Variants in COP1 observed in about 807,000 individuals in gnomAD.
COP1 encodes the protein COP1 E3 ubiquitin ligase, also known as E3 ubiquitin-protein ligase COP1.
Under a neutral mutation model 101.3 loss-of-function variants are expected in COP1, and 24 were observed. The observed-to-expected ratio is 0.24, with a 90% confidence interval of 0.17 to 0.33. The LOEUF (loss-of-function observed/expected upper bound fraction) is 0.33. Ranked by LOEUF, COP1 falls within the 10% of genes least tolerant of loss-of-function variation. The pLI is 1.00. For synonymous variants in COP1, 347 were observed against 341.9 expected, an observed-to-expected ratio of 1.01 and a Z score of -0.17; for missense variants, 663 against 906.2, an observed-to-expected ratio of 0.73 and a Z score of 3.45.
Position 175,949,524 on chromosome 1 carries a change from T to G in COP1, c.2134-2285A>C, listed in dbSNP as rs928537974. ...CTTTCTAGCAGGAATTTTAAACAAG[T>G]TGTATGGTATCAGAACTGCCACTGG... On this transcript the variant is annotated intron_variant, in intron 18 of 19. Transcript: ENST00000367669. Among the ~76,000 whole-genome samples the G allele has an allele frequency of 7.2e-5, 11 of 152,258 alleles. No individual in the cohort carries two copies. In the South Asian group the frequency reaches 1.9e-3, roughly 26 times the overall value.
At position 176,045,772 on chromosome 1, in the gene COP1, TA is replaced by T. The variant is rs554115691; in HGVS notation, c.1421+408del. 1.9e-3 allele frequency among the ~76,000 whole-genome samples: 294 copies of T among 151,840 alleles called. 1 individual carries two copies. The highest frequency in any genetic ancestry group is 6.7e-3 in the African/African-American group (277 of 41,474). On this transcript the variant is annotated intron_variant, in intron 12 of 19. Coordinates refer to ENST00000367669, the MANE Select transcript of COP1 (RefSeq NM_022457.7). ...TTCAGTGAAAAGCAGAATATTCTTG[TA>T]AAAAAAATTCTTAAAACTAGAAACA...
chr1:176,149,536 T>C (rs1177293857), intron 5 of COP1, among the ~76,000 whole-genome samples: 1 of 152,128 alleles, frequency 6.6e-6, no homozygotes, highest in East Asian at 1.9e-4. Context: ...CTATTTCTAG[T>C]TATTACCTAC....
intron 15 of COP1, among the ~76,000 whole-genome samples, chr1:175,992,750 G>A (rs917223169): frequency 1.3e-5 from 2 of 152,246 alleles, no homozygotes; most frequent in African/African-American, 4.8e-5. Flanking sequence ...TGGGAAGCTC[G>A]AACTGGATGG....
At chr1:175,995,313 C>T (rs1459940698) in intron 15 of COP1, among the ~76,000 whole-genome samples, 5 of 152,120 alleles carry the variant, frequency 3.3e-5, no homozygotes, top group Admixed American at 6.5e-5. Context: ...AAAATTGACA[C>T]CCTAACATCA....
chr1:175,959,685 T>C (rs1237546683), intron 18 of COP1, among the ~76,000 whole-genome samples: 1 of 152,114 alleles, frequency 6.6e-6, no homozygotes, highest in Non-Finnish European at 1.5e-5. Flanking sequence ...TAGAAAAATA[T>C]GTTTATTGGT....
intron 10 of COP1, among the ~76,000 whole-genome samples, chr1:176,085,297 T>A (rs1187171671): frequency 6.6e-6 from 1 of 152,118 alleles, no homozygotes; most frequent in Non-Finnish European, 1.5e-5. Context: ...TGGATATTAT[T>A]ATCTATTCTC....
At chr1:176,169,555 A>G (rs1038312908) in intron 3 of COP1, among the ~76,000 whole-genome samples, 2 of 152,226 alleles carry the variant, frequency 1.3e-5, no homozygotes, top group East Asian at 1.9e-4. Flanking sequence ...TGTTTACGCT[A>G]TACCGTAGTT....
At position 176,145,947 on chromosome 1, in the gene COP1, G is replaced by A. The variant is rs548588319; in HGVS notation, c.831+3059C>T. ...AGCAGTATTGCATTGTGCTTACAAT[G>A]GTGGTTATACAAATGGTCACTCTAC... On this transcript the variant is annotated intron_variant, in intron 6 of 19. Coordinates refer to ENST00000367669, the MANE Select transcript of COP1 (RefSeq NM_022457.7). Among the ~76,000 whole-genome samples, 6 of 152,224 alleles carry A rather than the reference G, an allele frequency of 3.9e-5. No individual in the cohort carries two copies. The East Asian group carries it at 9.7e-4, about 24-fold the overall frequency.
At chr1:176,195,308 G>A (rs1452540934) in intron 1 of COP1, among the ~76,000 whole-genome samples, 2 of 152,222 alleles carry the variant, frequency 1.3e-5, no homozygotes, top group Admixed American at 1.3e-4. Flanking sequence ...CGCTAAATCT[G>A]TGTAAGCTTC....
intron 10 of COP1, 75 bp from the exon 11 acceptor site, chr1:176,081,362 A>G: frequency 8.4e-7 from 1 of 1,187,680 alleles, no homozygotes; most frequent in South Asian, 1.8e-5. Flanking sequence ...CACATCCACA[A>G]ATTAAAATTT....
chr1:176,127,365 T>A (rs1246774368), intron 8 of COP1, among the ~76,000 whole-genome samples: 1 of 152,194 alleles, frequency 6.6e-6, no homozygotes, highest in Non-Finnish European at 1.5e-5. Flanking sequence ...CATCCACCTC[T>A]AATCTCTGTT....
At chr1:176,189,456 G>GA (rs1307287406) in intron 1 of COP1, among the ~76,000 whole-genome samples, 2 of 151,460 alleles carry the variant, frequency 1.3e-5, no homozygotes, top group Admixed American at 6.6e-5. Context: ...AATACTAAGA[G>GA]AAAAAACTTT....
rs1674194862 is a variant in COP1, at chr1:176,058,381, AAAG to A, written c.1278-12060_1278-12058del. Among the ~76,000 whole-genome samples the A allele has an allele frequency of 2.6e-5, 4 of 152,306 alleles. No individual in the cohort carries two copies. The South Asian group carries it at 8.3e-4, about 32-fold the overall frequency. ...TCGGATGGTTGCTGTGTCTGTGTAGAAAGAAGTAGACATGGGAGACTTTTCATT... is the reference window on the plus strand; with the variant it reads ...TCGGATGGTTGCTGTGTCTGTGTAGAAAGTAGACATGGGAGACTTTTCATT... On this transcript the variant is annotated intron_variant, in intron 11 of 19. Transcript: ENST00000367669.
chr1:176,150,332 A>T (rs1477993672), intron 5 of COP1, among the ~76,000 whole-genome samples: 1 of 152,232 alleles, frequency 6.6e-6, no homozygotes, highest in African/African-American at 2.4e-5. Flanking sequence ...AATTAAAATA[A>T]TATAACTGAA....
chr1:176,011,486 G>A (rs1161024793), intron 15 of COP1, among the ~76,000 whole-genome samples: 1 of 152,152 alleles, frequency 6.6e-6, no homozygotes, highest in African/African-American at 2.4e-5. Flanking sequence ...CTAATTATGT[G>A]AGTTAATCTT....
intron 14 of COP1, among the ~76,000 whole-genome samples, chr1:176,031,046 A>G (rs1219754510): frequency 6.6e-6 from 1 of 152,142 alleles, no homozygotes; most frequent in Non-Finnish European, 1.5e-5. Context: ...ACCATCAATA[A>G]CCAGAAATTA....
chr1:176,197,468 T>C lies in COP1; in HGVS notation c.407+9104A>G, dbSNP rs79731276. On this transcript the variant is annotated intron_variant, in intron 1 of 19. Coordinates refer to ENST00000367669, the MANE Select transcript of COP1 (RefSeq NM_022457.7). ...AGAAGAAACCGAATCTGCCTACACATTGTTTTGTACTTCTAGTCTCTAGAC... is the reference window on the plus strand; with the variant it reads ...AGAAGAAACCGAATCTGCCTACACACTGTTTTGTACTTCTAGTCTCTAGAC... Among the ~76,000 whole-genome samples, 309 of 152,308 alleles carry C rather than the reference T, an allele frequency of 2.0e-3. 2 individuals are homozygous for C. The highest frequency in any genetic ancestry group is 0.01 in the Middle Eastern group (3 of 294).
At chr1:176,100,331 G>A (rs969037915) in intron 9 of COP1, 3 of 168,634 alleles carry the variant, frequency 1.8e-5, no homozygotes, top group Non-Finnish European at 3.9e-5. Flanking sequence ...GGAGGTTGCA[G>A]TGAGCCAAGA....
chr1:176,025,163 G>A (rs1667446469), intron 15 of COP1, among the ~76,000 whole-genome samples: 1 of 152,022 alleles, frequency 6.6e-6, no homozygotes, highest in Non-Finnish European at 1.5e-5. Flanking sequence ...AAAACAATTT[G>A]AATAATAAAA....
Sources: allele counts gnomAD v4.1 joint callset (sites outside exome capture counted in the v4.1 genomes callset), GRCh38; gene constraint gnomAD v4.1.1; transcripts MANE v1.5; gene names NCBI Gene and HGNC (gene_info 2026-07-23, HGNC 2026-07-21).